Variants in PALM2AKAP2 observed in about 807,000 individuals in gnomAD.
PALM2AKAP2 encodes the protein PALM2-AKAP2 fusion protein.
Under a neutral mutation model 71.5 loss-of-function variants are expected in PALM2AKAP2, and 37 were observed. The observed-to-expected ratio is 0.52, with a 90% confidence interval of 0.40 to 0.68. PALM2AKAP2 has a LOEUF of 0.68. Ranked by LOEUF, PALM2AKAP2 falls within the 30% of genes least tolerant of loss-of-function variation. PALM2AKAP2 has a pLI of 0.00. For missense variants in PALM2AKAP2, 1,224 were observed against 1,191.8 expected (o/e 1.03, Z -0.40); for synonymous variants, 468 against 478.8 (o/e 0.98, Z 0.29).
chr9:110,129,998 G>A (rs990717402), intron 1 of PALM2AKAP2, among the ~76,000 whole-genome samples: 7 of 152,188 alleles, frequency 4.6e-5, no homozygotes, highest in Non-Finnish European at 8.8e-5. Context: ...AGCTGCCATA[G>A]ATTCTGACTT....
chr9:110,041,383 A>G (rs1833510789), intron 7 of PALM2AKAP2, among the ~76,000 whole-genome samples: 1 of 152,112 alleles, frequency 6.6e-6, no homozygotes, highest in Non-Finnish European at 1.5e-5. Context: ...GTCAATGTCG[A>G]GAAGGCACAG....
intron 7 of PALM2AKAP2, among the ~76,000 whole-genome samples, chr9:110,020,544 G>T (rs554555142): frequency 6.6e-6 from 1 of 152,082 alleles, no homozygotes; most frequent in Admixed American, 6.6e-5. Flanking sequence ...TTACCCGGGC[G>T]TGGTGATGCA....
At chr9:110,171,477 T>C (rs1426546976) in exon 4 of PALM2AKAP2, 3 of 152,200 alleles carry the variant, frequency 2.0e-5, no homozygotes, top group African/African-American at 7.2e-5. Context: ...GATCCTATTA[T>C]AATCCCATGA....
In PALM2AKAP2 at chr9:109,863,629, G is replaced by A. The variant is rs1169297948; in HGVS notation, c.46-3862G>A. ...AATCTGGAAACCAGTGGGCTATCCC[G>A]GTGAGGAGCACAGCTCAGACCTCAG... is the stretch of plus-strand genomic sequence containing the variant. On this transcript the variant is annotated intron_variant, in intron 1 of 9. Transcript: ENST00000302798. Among the ~76,000 whole-genome samples the A allele has an allele frequency of 2.6e-5, 4 of 152,272 alleles. No homozygotes were observed. The East Asian group carries it at 7.7e-4, about 29-fold the overall frequency.
chr9:109,984,779 G>A (rs1832341791), intron 6 of PALM2AKAP2, among the ~76,000 whole-genome samples: 2 of 151,864 alleles, frequency 1.3e-5, no homozygotes, highest in African/African-American at 2.4e-5. Flanking sequence ...ACTGAGGTGG[G>A]AGGATCACTT....
chr9:109,887,988 C>T (rs1048377820), intron 3 of PALM2AKAP2, among the ~76,000 whole-genome samples: 4 of 152,146 alleles, frequency 2.6e-5, no homozygotes, highest in Non-Finnish European at 4.4e-5. Context: ...CTGGAGGTGC[C>T]GGTCTTCAGC....
intron 1 of PALM2AKAP2, among the ~76,000 whole-genome samples, chr9:110,126,362 GACACAGCAAATTTATAA>G (rs1387038995): frequency 2.0e-5 from 3 of 152,198 alleles, no homozygotes; most frequent in Non-Finnish European, 4.4e-5. Context: ...AACCAAGAGG[GACACAGCAAATTTATAA>G]AGAACTGAAA....
At chr9:110,093,093 G>A (rs7851795) in intron 1 of PALM2AKAP2, among the ~76,000 whole-genome samples, 9 of 152,200 alleles carry the variant, frequency 5.9e-5, no homozygotes, top group African/African-American at 2.2e-4. Context: ...TGAGGGACAT[G>A]TATGTCAGAT....
intron 7 of PALM2AKAP2, among the ~76,000 whole-genome samples, chr9:110,036,474 C>T (rs1029564746): frequency 4.6e-5 from 7 of 152,134 alleles, no homozygotes; most frequent in African/African-American, 1.7e-4. Context: ...GTCACCACTC[C>T]ACCATTACCA....
intron 6 of PALM2AKAP2, among the ~76,000 whole-genome samples, chr9:110,006,354 C>CTTTCTTTCTT (rs1832784784): frequency 1.5e-5 from 2 of 132,156 alleles, no homozygotes; most frequent in African/African-American, 2.9e-5. Flanking sequence ...TTCTTTCTTT[C>CTTTCTTTCTT]TTTCTTTCTT....
chr9:109,776,348 C>T (rs894475194), upstream of PALM2AKAP2, among the ~76,000 whole-genome samples: 13 of 152,174 alleles, frequency 8.5e-5, no homozygotes, highest in African/African-American at 2.9e-4. Flanking sequence ...CCTGTTTCAC[C>T]TAGGGTTCTT....
chr9:109,643,729 C>T (rs561506648), intron 1 of PALM2AKAP2, among the ~76,000 whole-genome samples: 1 of 152,218 alleles, frequency 6.6e-6, no homozygotes, highest in African/African-American at 2.4e-5. Flanking sequence ...GGTTAACCTT[C>T]CCAATTTCCA....
chr9:109,786,504 A>G (rs1330196849), intron 1 of PALM2AKAP2, among the ~76,000 whole-genome samples: 1 of 152,220 alleles, frequency 6.6e-6, no homozygotes, highest in East Asian at 1.9e-4. Context: ...CCCTGCTTCT[A>G]AAATTCCATG....
intron 7 of PALM2AKAP2, 113 bp downstream of exon 7, chr9:110,016,152 C>T: frequency 2.0e-6 from 2 of 1,013,336 alleles, no homozygotes; most frequent in Non-Finnish European, 3.0e-6. Context: ...TGCTAGAGTT[C>T]TCTCTCTACT....
chr9:110,111,114 C>G (rs1185367459), intron 1 of PALM2AKAP2, among the ~76,000 whole-genome samples: 1 of 53,602 alleles, frequency 1.9e-5, no homozygotes, highest in African/African-American at 6.4e-5. Flanking sequence ...TTTTTTGAGA[C>G]GGAGTCTTGC....
At chr9:110,100,167 T>C (rs1290453625) in intron 1 of PALM2AKAP2, among the ~76,000 whole-genome samples, 1 of 150,772 alleles carries the variant, frequency 6.6e-6, no homozygotes, top group African/African-American at 2.4e-5. Flanking sequence ...ATCTGATTTA[T>C]GAAGGGTAAG....
At chr9:109,666,989 A>G (rs1280485421) in intron 1 of PALM2AKAP2, among the ~76,000 whole-genome samples, 1 of 152,216 alleles carries the variant, frequency 6.6e-6, no homozygotes, top group East Asian at 1.9e-4. Context: ...TCCTAACAGA[A>G]GGAAGTGGTG....
At chr9:110,126,741 C>G (rs938490960) in intron 1 of PALM2AKAP2, among the ~76,000 whole-genome samples, 6 of 152,230 alleles carry the variant, frequency 3.9e-5, no homozygotes, top group African/African-American at 1.4e-4. Flanking sequence ...TTCCTTTCCT[C>G]CCCTCCCCGC....
At chr9:109,819,888 A>C (rs1392525712) in intron 1 of PALM2AKAP2, among the ~76,000 whole-genome samples, 1 of 152,238 alleles carries the variant, frequency 6.6e-6, no homozygotes, top group African/African-American at 2.4e-5. Flanking sequence ...AATTGAAGTG[A>C]GAGCATGAGC....
Sources: gnomAD v4.1 joint callset for allele counts (sites outside exome capture counted in the v4.1 genomes callset) on GRCh38, gnomAD v4.1.1 for gene constraint, MANE v1.5 for transcripts, NCBI Gene and HGNC (gene_info 2026-07-23, HGNC 2026-07-21) for gene names.